GABRB2: variants seen among roughly 807,000 people sequenced by gnomAD.
The protein encoded by GABRB2 is gamma-aminobutyric acid type A receptor subunit beta2.
In GABRB2, 16 loss-of-function variants were observed where a neutral mutation model predicts 54.7. The observed-to-expected ratio is 0.29, with a 90% CI of 0.20 to 0.44. The LOEUF is 0.44. GABRB2 is among the 20% of genes least tolerant of loss of function. The pLI, the probability that GABRB2 is intolerant of heterozygous loss-of-function variation, is 1.00. For missense variants in GABRB2, 355 were observed against 644.0 expected, an observed-to-expected ratio of 0.55 and a Z score of 4.86; for synonymous variants, 244 against 233.8, an observed-to-expected ratio of 1.04 and a Z score of -0.40.
At chr5:161,372,132 G>A (rs1455846032) in intron 5 of GABRB2, among the ~76,000 whole-genome samples, 1 of 152,114 alleles carries the variant, frequency 6.6e-6, no homozygotes, top group Non-Finnish European at 1.5e-5. Flanking sequence ...AATCAGATCT[G>A]CAGATGTGTT....
At chr5:161,331,877 G>T (rs41298412) in intron 7 of GABRB2, among the ~76,000 whole-genome samples, 1 of 152,154 alleles carries the variant, frequency 6.6e-6, no homozygotes, top group African/African-American at 2.4e-5. Flanking sequence ...AGTAAAGAAT[G>T]CCAGTTGGCC....
chr5:161,544,769 C>T (rs1760920706), intron 3 of GABRB2, among the ~76,000 whole-genome samples: 1 of 152,098 alleles, frequency 6.6e-6, no homozygotes, highest in Admixed American at 6.5e-5. Context: ...TAACAGTAAA[C>T]AGTGATCTTT....
intron 9 of GABRB2, among the ~76,000 whole-genome samples, chr5:161,306,432 A>T (rs1757693703): frequency 6.6e-6 from 1 of 152,218 alleles, no homozygotes. Context: ...TTTTCCATAT[A>T]TTCCTACTCC....
At chr5:161,321,467 G>A (rs1322327056) in intron 9 of GABRB2, among the ~76,000 whole-genome samples, 4 of 152,052 alleles carry the variant, frequency 2.6e-5, no homozygotes, top group Non-Finnish European at 5.9e-5. Context: ...AGTTCTAAAT[G>A]CCAGTACACT....
chr5:161,378,451 C>G (rs1409328035), intron 5 of GABRB2, among the ~76,000 whole-genome samples: 1 of 152,106 alleles, frequency 6.6e-6, no homozygotes, highest in Non-Finnish European at 1.5e-5. Flanking sequence ...TATTCTAGCC[C>G]TTAAAATGAG....
intron 6 of GABRB2, 36 bp downstream of exon 6, chr5:161,336,596 G>T (rs1052353055): frequency 1.9e-6 from 3 of 1,604,610 alleles, no homozygotes; most frequent in Non-Finnish European, 2.6e-6. Context: ...ATACGGTGAA[G>T]ATTATTTTCC....
intron 5 of GABRB2, among the ~76,000 whole-genome samples, chr5:161,375,284 A>T (rs1250360194): frequency 6.6e-6 from 1 of 152,226 alleles, no homozygotes; most frequent in Non-Finnish European, 1.5e-5. Context: ...ACTAAATCTT[A>T]TAACAGTGAG....
chr5:161,349,568 G>A (rs531873612), intron 5 of GABRB2, among the ~76,000 whole-genome samples: 3 of 152,130 alleles, frequency 2.0e-5, no homozygotes, highest in South Asian at 4.2e-4. Flanking sequence ...GAGGTGGTGC[G>A]GTGTTCCTTC....
chr5:161,361,721 T>G (rs1352868879), intron 5 of GABRB2, among the ~76,000 whole-genome samples: 1 of 152,180 alleles, frequency 6.6e-6, no homozygotes, highest in Admixed American at 6.5e-5. Flanking sequence ...ATCTTCCTGT[T>G]TCTTCAGCAT....
intron 4 of GABRB2, among the ~76,000 whole-genome samples, chr5:161,440,281 T>A (rs1757431356): frequency 6.6e-6 from 1 of 151,988 alleles, no homozygotes; most frequent in African/African-American, 2.4e-5. Context: ...AACTCTCCAA[T>A]CAAAACACAT....
intron 3 of GABRB2, among the ~76,000 whole-genome samples, chr5:161,526,362 G>C (rs928913645): frequency 7.3e-5 from 11 of 151,320 alleles, no homozygotes; most frequent in Non-Finnish European, 1.5e-4. Flanking sequence ...GTTTAGTATT[G>C]AATGGAGACA....
chr5:161,531,295 A>G (rs1760453925), intron 3 of GABRB2, among the ~76,000 whole-genome samples: 1 of 152,160 alleles, frequency 6.6e-6, no homozygotes, highest in Admixed American at 6.6e-5. Context: ...TATTTCTGGA[A>G]AAATCTACAG....
chr5:161,505,374 A>C (rs879381111), intron 3 of GABRB2, among the ~76,000 whole-genome samples: 138 of 151,422 alleles, frequency 9.1e-4, no homozygotes, highest in Non-Finnish European at 1.6e-3. Flanking sequence ...CTGGTGATCC[A>C]CCCGCCTCCG....
intron 5 of GABRB2, among the ~76,000 whole-genome samples, chr5:161,384,926 TA>T (rs998383624): frequency 6.6e-6 from 1 of 152,186 alleles, no homozygotes; most frequent in African/African-American, 2.4e-5. Context: ...ATTATATAGT[TA>T]CATACATATG....
intron 3 of GABRB2, among the ~76,000 whole-genome samples, chr5:161,534,008 A>G (rs1561684897): frequency 6.6e-6 from 1 of 152,184 alleles, no homozygotes; most frequent in Non-Finnish European, 1.5e-5. Flanking sequence ...GTTTGTTGGT[A>G]TTTTAAAATT....
rs1455311882 is a variant in GABRB2, at chr5:161,288,505, C to A, written c.*5576G>T. 6.6e-6 allele frequency: 1 copy of A among 152,548 alleles called. No individual in the cohort carries two copies. The highest frequency in any genetic ancestry group is 1.5e-5 in the Non-Finnish European group (1 of 68,020). The allele number at this position is 152,548 out of a possible 1,614,324, so 9.4% of individuals were successfully genotyped here. On this transcript the variant is annotated 3_prime_UTR_variant, in exon 10 of 10. Coordinates refer to ENST00000393959, the MANE Select transcript of GABRB2 (RefSeq NM_001371727.1). ...GCCAACATTATTATATATTTACATG[C>A]TGAAACTGGCTGCAATAAGTTTAAA... is the stretch of plus-strand genomic sequence containing the variant.
At chr5:161,360,230 C>T (rs1224612655) in intron 5 of GABRB2, among the ~76,000 whole-genome samples, 1 of 151,840 alleles carries the variant, frequency 6.6e-6, no homozygotes, top group East Asian at 1.9e-4. Flanking sequence ...AACAATGGCT[C>T]TTTAGAAAAA....
intron 5 of GABRB2, among the ~76,000 whole-genome samples, chr5:161,359,250 T>TTATTTGC (rs1483822910): frequency 1.3e-5 from 2 of 152,124 alleles, no homozygotes; most frequent in African/African-American, 4.8e-5. Context: ...AAAAAGATGA[T>TTATTTGC]TATTTGCTAT....
chr5:161,463,796 C>T (rs1758199661), intron 3 of GABRB2, among the ~76,000 whole-genome samples: 1 of 150,724 alleles, frequency 6.6e-6, no homozygotes. Context: ...CAATTGATTT[C>T]TGACAAAGGT....
Sources: gnomAD v4.1 joint callset for allele counts (sites outside exome capture counted in the v4.1 genomes callset) on GRCh38, gnomAD v4.1.1 for gene constraint, MANE v1.5 for transcripts, NCBI Gene and HGNC (gene_info 2026-07-23, HGNC 2026-07-21) for gene names.